Variants in GRIP1 observed in about 807,000 individuals in gnomAD.
GRIP1 encodes the protein glutamate receptor interacting protein 1, also known as glutamate receptor-interacting protein 1.
GRIP1 carries 45 observed loss-of-function variants against 129.9 expected under a neutral mutation model. That is an observed-to-expected ratio of 0.35 (90% confidence interval 0.27 to 0.44). GRIP1 has a LOEUF of 0.44. Among genes scored for constraint, GRIP1 ranks in the 20% least tolerant of loss-of-function variants. The pLI is 1.00. For synonymous variants in GRIP1, 530 were observed against 520.8 expected (o/e 1.02, Z -0.24); for missense variants, 1,196 against 1,396.8 (o/e 0.86, Z 2.29).
intron 3 of GRIP1, among the ~76,000 whole-genome samples, chr12:66,540,973 T>TTTTTTTTTTA (rs1565843239): frequency 1.3e-5 from 2 of 151,202 alleles, no homozygotes; most frequent in Non-Finnish European, 2.9e-5. Context: ...TTTTTTTTTT[T>TTTTTTTTTTA]AATTTTTTTT....
chr12:66,762,117 CT>C (rs1251985788), intron 1 of GRIP1, among the ~76,000 whole-genome samples: 1 of 152,174 alleles, frequency 6.6e-6, no homozygotes, highest in African/African-American at 2.4e-5. Context: ...AAAACTAGGT[CT>C]CCATGGTTTT....
chr12:66,649,996 G>A (rs77110447), intron 1 of GRIP1, among the ~76,000 whole-genome samples: 6,788 of 152,224 alleles, frequency 0.045, 200 homozygotes, highest in East Asian at 0.12. Context: ...AAGGCTCTAG[G>A]AGAATGTGTC....
rs1228654867 is a variant in GRIP1 at position 66,392,750 on chromosome 12, A to T, written c.2196T>A (p.Pro732=). ...GTAACAAATGGATGGCTTCACTCAG[A>T]GGCTTCCCTTTCAAGCTGCTGCTAT... ...AINSSSLKGK[P]LSEAIHLLQM... is the part of the protein sequence containing the mutation. The change falls in exon 18 of 25, where the codon CCT becomes CCA. Residue 732 remains proline, a synonymous_variant. Transcript: ENST00000359742. The T allele has an allele frequency of 1.2e-6, 2 of 1,613,882 alleles. No individual in the cohort carries two copies. Among genetic ancestry groups the T allele is most frequent in the Non-Finnish European group, 1.7e-6 (2 of 1,179,898 alleles).
intron 1 of GRIP1, among the ~76,000 whole-genome samples, chr12:66,760,511 C>T (rs1047361865): frequency 6.6e-6 from 1 of 152,120 alleles, no homozygotes; most frequent in African/African-American, 2.4e-5. Flanking sequence ...AAAGCAAAAG[C>T]AGAATTCCTT....
chr12:66,424,115 T>G (rs1247895354), intron 14 of GRIP1, among the ~76,000 whole-genome samples: 3 of 152,218 alleles, frequency 2.0e-5, no homozygotes, highest in Non-Finnish European at 2.9e-5. Flanking sequence ...TTTACAAGCT[T>G]GTTCAGAATT....
intron 7 of GRIP1, among the ~76,000 whole-genome samples, chr12:66,486,433 T>C (rs2059957187): frequency 6.6e-6 from 1 of 152,178 alleles, no homozygotes; most frequent in Admixed American, 6.5e-5. Flanking sequence ...TCATCTTGAA[T>C]TGTACTTCCA....
At chr12:66,823,805 T>C (rs1446057973) in intron 1 of GRIP1, among the ~76,000 whole-genome samples, 1 of 152,160 alleles carries the variant, frequency 6.6e-6, no homozygotes, top group Admixed American at 6.6e-5. Flanking sequence ...TCATCCTCTT[T>C]GCCTTTCTCT....
chr12:66,417,674 A>AACCTTCTG (rs1191965322), intron 15 of GRIP1, among the ~76,000 whole-genome samples: 1 of 152,182 alleles, frequency 6.6e-6, no homozygotes, highest in Non-Finnish European at 1.5e-5. Flanking sequence ...GAAATTAAAG[A>AACCTTCTG]AGTAATCCCT....
intron 1 of GRIP1, among the ~76,000 whole-genome samples, chr12:66,646,207 A>G (rs753585715): frequency 6.6e-6 from 1 of 152,256 alleles, no homozygotes; most frequent in Non-Finnish European, 1.5e-5. Flanking sequence ...CTTATTAAAA[A>G]TGAAATTACT....
intron 1 of GRIP1, among the ~76,000 whole-genome samples, chr12:66,641,212 C>T (rs2031895103): frequency 6.6e-6 from 1 of 152,092 alleles, no homozygotes; most frequent in African/African-American, 2.4e-5. Context: ...GTTGATGCCT[C>T]ACAGAATTCA....
chr12:66,440,468 C>T (rs946427820), intron 13 of GRIP1, among the ~76,000 whole-genome samples: 1 of 152,196 alleles, frequency 6.6e-6, no homozygotes, highest in Non-Finnish European at 1.5e-5. Flanking sequence ...ATCATCACTA[C>T]TCTTCCAAGC....
In GRIP1 at chr12:66,406,331, A is replaced by G. The variant is rs777747622; in HGVS notation, c.1936T>C (p.Cys646Arg). ...ATTTTGAGCTTCACCAGGTCTTCACATTGCTGGAGGATCTGAACTGCATCT... is the reference window on the plus strand; with the variant it reads ...ATTTTGAGCTTCACCAGGTCTTCACGTTGCTGGAGGATCTGAACTGCATCT... ...MEDAVQILQQ[C>R]EDLVKLKIRK... The change falls in exon 16 of 25, where the codon TGT becomes CGT. Residue 646 changes from cysteine to arginine, a missense_variant. Cys to Arg is a radical substitution (Grantham distance 180, BLOSUM62 -3). This residue lies in a region of GRIP1 where 508 missense variants were observed against 587.0 expected (regional missense o/e 0.87). Coordinates refer to ENST00000359742, the MANE Select transcript of GRIP1 (RefSeq NM_001366722.1). 11 of 1,614,002 alleles carry G rather than the reference A, an allele frequency of 6.8e-6. No homozygotes were observed. In the East Asian group the frequency reaches 1.3e-4, roughly 20 times the overall value.
intron 1 of GRIP1, among the ~76,000 whole-genome samples, chr12:67,037,070 G>A (rs1227718927): frequency 4.6e-5 from 7 of 152,016 alleles, no homozygotes; most frequent in Non-Finnish European, 7.4e-5. Flanking sequence ...AGTGGCTCAC[G>A]CCTGCAATCC....
intron 1 of GRIP1, among the ~76,000 whole-genome samples, chr12:66,815,820 A>ATATC (rs1555241753): frequency 5.1e-4 from 61 of 118,568 alleles, no homozygotes; most frequent in Non-Finnish European, 7.3e-4. Flanking sequence ...AAGATGAAAG[A>ATATC]TTTCTTTCTT....
At chr12:66,811,754 T>C (rs1375195172) in intron 1 of GRIP1, among the ~76,000 whole-genome samples, 1 of 152,206 alleles carries the variant, frequency 6.6e-6, no homozygotes, top group Non-Finnish European at 1.5e-5. Context: ...TATATTTGTC[T>C]CTTGGTTGGT....
chr12:66,994,127 A>G (rs2042432827), intron 1 of GRIP1, among the ~76,000 whole-genome samples: 1 of 152,080 alleles, frequency 6.6e-6, no homozygotes, highest in Admixed American at 6.6e-5. Context: ...AAAGAATAGC[A>G]AAGGAAGGAA....
chr12:66,524,675 AATC>A (rs2061156686), intron 5 of GRIP1, among the ~76,000 whole-genome samples: 1 of 152,126 alleles, frequency 6.6e-6, no homozygotes, highest in African/African-American at 2.4e-5. Context: ...AAATAACTAA[AATC>A]AGAGCAGAAC....
At chr12:66,771,410 C>T (rs757196555) in intron 1 of GRIP1, among the ~76,000 whole-genome samples, 13 of 152,158 alleles carry the variant, frequency 8.5e-5, no homozygotes, top group Non-Finnish European at 1.8e-4. Context: ...ACACAACACA[C>T]ACATAGATAC....
intron 5 of GRIP1, among the ~76,000 whole-genome samples, chr12:66,528,471 C>A (rs1036003623): frequency 6.6e-6 from 1 of 152,012 alleles, no homozygotes; most frequent in Non-Finnish European, 1.5e-5. Context: ...TTGGAGTCAC[C>A]TGAAATTGTT....
Sources: allele counts gnomAD v4.1 joint callset (sites outside exome capture counted in the v4.1 genomes callset), GRCh38; gene constraint gnomAD v4.1.1; regional missense constraint gnomAD v4.1.1; transcripts MANE v1.5; gene names NCBI Gene and HGNC (gene_info 2026-07-23, HGNC 2026-07-21).